Variants in CPVL observed in about 807,000 individuals in gnomAD.
CPVL encodes probable serine carboxypeptidase CPVL.
A neutral mutation model predicts 63.7 loss-of-function variants in CPVL; 51 were observed. The observed-to-expected ratio is 0.80, with a 90% CI of 0.64 to 1.01. CPVL has a LOEUF of 1.01. Ranked by LOEUF, CPVL falls within the 50% of genes least tolerant of loss-of-function variation. The probability of loss-of-function intolerance (pLI) is 0.00; values close to 1 mark genes in which losing one functional copy is unlikely to be tolerated. For missense variants in CPVL, 530 were observed against 573.1 expected (o/e 0.92, Z 0.77); for synonymous variants, 195 against 206.0 (o/e 0.95, Z 0.46).
At chr7:29,014,911 CAA>C (rs1162501570) in intron 12 of CPVL, among the ~76,000 whole-genome samples, 3 of 152,100 alleles carry the variant, frequency 2.0e-5, no homozygotes, top group Non-Finnish European at 2.9e-5. Context: ...ATAAAACACA[CAA>C]AAAATGAATT....
intron 11 of CPVL, among the ~76,000 whole-genome samples, chr7:29,047,065 C>T (rs1260130185): frequency 2.6e-5 from 4 of 152,090 alleles, no homozygotes; most frequent in East Asian, 1.9e-4. Flanking sequence ...ATTTGTCTTC[C>T]GTCATTCCAT....
chr7:29,013,551 T>G (rs1786072849), intron 12 of CPVL, among the ~76,000 whole-genome samples: 1 of 152,226 alleles, frequency 6.6e-6, no homozygotes, highest in Non-Finnish European at 1.5e-5. Context: ...ACTGAGAGCT[T>G]AGTCAAAATT....
At chr7:29,140,581 G>T (rs1270894356) in intron 1 of CPVL, among the ~76,000 whole-genome samples, 2 of 152,138 alleles carry the variant, frequency 1.3e-5, no homozygotes, top group Non-Finnish European at 2.9e-5. Context: ...CCTCACTGGA[G>T]GAAGACCCCA....
At chr7:29,024,733 T>G (rs1020187485) in intron 12 of CPVL, among the ~76,000 whole-genome samples, 1 of 152,082 alleles carries the variant, frequency 6.6e-6, no homozygotes, top group Non-Finnish European at 1.5e-5. Context: ...AAGATTACTA[T>G]ACCCACAAAG....
At chr7:29,091,585 G>A (rs1461894461) in intron 6 of CPVL, among the ~76,000 whole-genome samples, 1 of 152,200 alleles carries the variant, frequency 6.6e-6, no homozygotes, top group East Asian at 1.9e-4. Context: ...TATGTCCCTA[G>A]GACCCCACTG....
intron 12 of CPVL, chr7:29,012,575 AG>A (rs1785958778): frequency 6.6e-6 from 1 of 152,266 alleles, no homozygotes; most frequent in Non-Finnish European, 1.5e-5. Context: ...TCAGAGAACC[AG>A]TGCCATACCA....
At chr7:29,112,330 G>T (rs1309865107) in intron 3 of CPVL, among the ~76,000 whole-genome samples, 2 of 152,094 alleles carry the variant, frequency 1.3e-5, no homozygotes, top group African/African-American at 4.8e-5. Context: ...GTTCACTTCA[G>T]GAATCTCCTT....
At chr7:29,052,184 T>A (rs1790240013) in intron 11 of CPVL, among the ~76,000 whole-genome samples, 1 of 151,424 alleles carries the variant, frequency 6.6e-6, no homozygotes, top group Non-Finnish European at 1.5e-5. Flanking sequence ...ACAAACAGGG[T>A]GTGTTGTGTA....
chr7:29,088,909 A>C (rs1785485885), intron 6 of CPVL, among the ~76,000 whole-genome samples: 1 of 152,180 alleles, frequency 6.6e-6, no homozygotes, highest in African/African-American at 2.4e-5. Flanking sequence ...TGGGAGGCAG[A>C]GGTGGCAGTG....
At chr7:29,096,901 C>T (rs1372176917) in intron 3 of CPVL, among the ~76,000 whole-genome samples, 1 of 150,322 alleles carries the variant, frequency 6.7e-6, no homozygotes, top group South Asian at 2.1e-4. Flanking sequence ...AGGAGACTCG[C>T]TCAAACCCTG....
intron 1 of CPVL, among the ~76,000 whole-genome samples, chr7:29,130,438 T>C (rs1010708665): frequency 6.6e-6 from 1 of 152,204 alleles, no homozygotes; most frequent in South Asian, 2.1e-4. Flanking sequence ...ACAGATTTTA[T>C]AAGGAAAAAC....
chr7:29,037,836 C>G (rs945531370), intron 11 of CPVL, among the ~76,000 whole-genome samples: 16 of 152,226 alleles, frequency 1.1e-4, no homozygotes, highest in African/African-American at 3.9e-4. Flanking sequence ...GCCTCAGCCC[C>G]GCAAGACCTG....
At chr7:29,047,044 A>G (rs559102403) in intron 11 of CPVL, among the ~76,000 whole-genome samples, 11 of 152,348 alleles carry the variant, frequency 7.2e-5, no homozygotes, top group South Asian at 6.2e-4. Context: ...TATAGTACAA[A>G]TGAACAAGCC....
chr7:29,022,605 A>T (rs113048558), intron 12 of CPVL, among the ~76,000 whole-genome samples: 1 of 152,228 alleles, frequency 6.6e-6, no homozygotes, highest in African/African-American at 2.4e-5. Context: ...GCATGCATAC[A>T]TGCCTTCTAT....
chr7:29,098,052 T>C (rs1786624916), intron 3 of CPVL, among the ~76,000 whole-genome samples: 1 of 152,034 alleles, frequency 6.6e-6, no homozygotes, highest in African/African-American at 2.4e-5. Context: ...GCATGGCTCG[T>C]TGGATGGTTA....
intron 1 of CPVL, chr7:29,191,563 G>A (rs1022740515): frequency 6.6e-6 from 1 of 152,236 alleles, no homozygotes; most frequent in African/African-American, 2.4e-5. Flanking sequence ...GGCTTTGAAT[G>A]CCAGGTGAAA....
intron 5 of CPVL, among the ~76,000 whole-genome samples, chr7:29,173,345 A>T (rs1796861619): frequency 6.6e-6 from 1 of 151,980 alleles, no homozygotes. Flanking sequence ...CAGCCATATA[A>T]TTTATCCTCC....
rs1554347264 is a variant in CPVL at position 29,146,465 on chromosome 7, G to GC, written c.-48dup. 1 of 1,404,750 alleles carries GC rather than the reference G, an allele frequency of 7.1e-7. No individual in the cohort carries two copies. Among genetic ancestry groups the GC allele is most frequent in the Non-Finnish European group, 9.4e-7 (1 of 1,066,858 alleles). 87.0% of individuals were successfully genotyped at this position (1,404,750 alleles called of 1,614,324 possible). On this transcript the variant is annotated 5_prime_UTR_variant, in exon 1 of 13. Coordinates refer to ENST00000265394, the MANE Select transcript of CPVL (RefSeq NM_031311.5). ...GGTGCTCCTCCCTGAGCCGCGGCGCGCAAGGACCCCAGCCGGTTGTCCTTG... is the reference window on the plus strand; with the variant it reads ...GGTGCTCCTCCCTGAGCCGCGGCGCGCCAAGGACCCCAGCCGGTTGTCCTTG...
chr7:29,182,295 C>A (rs1328685084), intron 4 of CPVL, among the ~76,000 whole-genome samples: 2 of 152,050 alleles, frequency 1.3e-5, no homozygotes, highest in African/African-American at 4.8e-5. Context: ...CTATTCAATG[C>A]CTTAAAAGAG....
Sources: allele counts gnomAD v4.1 joint callset (sites outside exome capture counted in the v4.1 genomes callset), GRCh38; gene constraint gnomAD v4.1.1; transcripts MANE v1.5; gene names NCBI Gene and HGNC (gene_info 2026-07-23, HGNC 2026-07-21).